The following CYP4F12 variants were observed in gnomAD, a reference collection of about 807,000 sequenced individuals.
CYP4F12 encodes the protein cytochrome P450 4F12.
In CYP4F12, 60 loss-of-function variants were observed where a neutral mutation model predicts 56.5. The ratio of observed to expected loss-of-function variants is 1.06; its 90% CI spans 0.86 to 1.32. The LOEUF is 1.32. Ranked by LOEUF, CYP4F12 falls within the 40% of genes most tolerant of loss-of-function variation. The pLI is 0.00. For missense variants in CYP4F12, 711 were observed against 683.5 expected (o/e 1.04, Z -0.45); for synonymous variants, 263 against 264.9 (o/e 0.99, Z 0.07).
In CYP4F12 at chr19:15,696,457, G is replaced by T. The variant is rs757624376; in HGVS notation, c.1342G>T (p.Glu448Ter). 2 of 1,614,146 alleles carry T rather than the reference G, an allele frequency of 1.2e-6. No individual in the cohort carries two copies. The highest frequency in any genetic ancestry group is 2.2e-5 in the South Asian group (2 of 91,078). ...EVYDPFRFDPENSKGRSPLAF... is the reference protein window; with the variant it reads ...EVYDPFRFDP ...CTACGACCCCTTCCGCTTTGACCCA[G>T]AGAACAGCAAGGGGAGGTCACCTCT... Residue 448 changes from glutamate to a stop codon, truncating the protein, a stop_gained, in exon 12 of 13, where the codon GAG becomes TAG. Transcript: ENST00000550308. LOFTEE classifies it high-confidence loss of function.
At chr19:15,684,751 A>C in intron 7 of CYP4F12, 65 bp from the exon 8 acceptor site, 1 of 1,247,986 alleles carries the variant, frequency 8.0e-7, no homozygotes, top group Non-Finnish European at 1.1e-6. Context: ...CAGAGATAGT[A>C]TAATTTGTGT....
At chr19:15,674,605 C>CTCTCCTCACTCACTCATTCA (rs2006818570) in intron 2 of CYP4F12, among the ~76,000 whole-genome samples, 26 of 5,626 alleles carry the variant, frequency 4.6e-3, no homozygotes, top group Non-Finnish European at 7.3e-3. Context: ...TCACTCATTC[C>CTCTCCTCACTCACTCATTCA]TCTACCCATT....
chr19:15,683,683 A>C lies in CYP4F12; in HGVS notation c.838A>C (p.Thr280Pro), dbSNP rs753604748. 3 of 1,612,360 alleles carry C rather than the reference A, an allele frequency of 1.9e-6. No individual in the cohort carries two copies. The African/African-American group carries it at 4.0e-5, about 22-fold the overall frequency. Residue 280 changes from threonine (T) to proline (P), a missense_variant, in exon 7 of 13, where the codon ACT (threonine) becomes CCT (proline). By Grantham distance (38) the Thr-to-Pro change is conservative (BLOSUM62 -1). Transcript: ENST00000550308. Reference protein sequence around the residue: ...VIRERRRTLPTQGIDDFFKDK... With the variant: ...VIRERRRTLPPQGIDDFFKDK... Reference sequence around the variant, plus strand: ...CCGGGAGCGGCGTCGCACCCTCCCCACTCAGGGTATTGATGATTTTTTCAA... The same window carrying C: ...CCGGGAGCGGCGTCGCACCCTCCCCCCTCAGGGTATTGATGATTTTTTCAA...
At chr19:15,685,301 T>C (rs760177585) in intron 9 of CYP4F12, 104 bp downstream of exon 9, 1 of 1,504,256 alleles carries the variant, frequency 6.6e-7, no homozygotes, top group Non-Finnish European at 9.0e-7. Flanking sequence ...CACTATTGCT[T>C]AGTGGGTATA....
intron 9 of CYP4F12, among the ~76,000 whole-genome samples, chr19:15,690,546 A>G (rs1445588172): frequency 6.6e-6 from 1 of 151,670 alleles, no homozygotes; most frequent in South Asian, 2.1e-4. Flanking sequence ...TAATTATTTC[A>G]GATCTCACAG....
chr19:15,679,153 A>G (rs1017531335), intron 3 of CYP4F12, among the ~76,000 whole-genome samples: 15 of 152,218 alleles, frequency 9.9e-5, no homozygotes, highest in Non-Finnish European at 1.8e-4. Flanking sequence ...CTGACCCCCA[A>G]ATCCTTAGTG....
intron 9 of CYP4F12, among the ~76,000 whole-genome samples, chr19:15,694,044 C>G (rs1205714550): frequency 6.6e-6 from 1 of 151,926 alleles, no homozygotes; most frequent in Non-Finnish European, 1.5e-5. Context: ...TTCCATTGAT[C>G]TAGATCTCTG....
Position 15,676,274 on chromosome 19 carries a change from G to A in CYP4F12, c.199-1987G>A, listed in dbSNP as rs115523116. Among the ~76,000 whole-genome samples the A allele has an allele frequency of 2.9e-3, 384 of 131,030 alleles. 5 individuals are homozygous for A. The highest frequency in any genetic ancestry group is 0.01 in the African/African-American group (373 of 36,136). The allele number at this position is 131,030 out of a possible 152,430, so 86.0% of individuals were successfully genotyped here. A position where few individuals can be genotyped will look rare whatever the true frequency, so the allele number is the denominator to read the frequency against. ...GGGAACCCAGAGAACCAAGGGAGAC[G>A]GCTCACTCATTCCTCTCCTCACTTA... On this transcript the variant is annotated intron_variant, in intron 2 of 12. Coordinates refer to ENST00000550308, the MANE Select transcript of CYP4F12 (RefSeq NM_023944.4).
Position 15,680,305 on chromosome 19 carries a change from C to A in CYP4F12, c.397+8C>A. ...TCCTGAAGCCCTGGCTGGGTGAGTA[C>A]CTGCAGGTGAAAGGGGTTGGGGACA... On this transcript the variant is annotated splice_region_variant and intron_variant, in intron 4 of 12. Coordinates refer to ENST00000550308, the MANE Select transcript of CYP4F12 (RefSeq NM_023944.4). The A allele has an allele frequency of 6.2e-7, 1 of 1,612,644 alleles. No homozygotes were observed.
At chr19:15,679,275 T>G (rs594803) in intron 3 of CYP4F12, among the ~76,000 whole-genome samples, 141,239 of 152,326 alleles carry the variant, frequency 0.93, 65,542 homozygotes, top group East Asian at 1. Flanking sequence ...GGAGTGTAAA[T>G]TTCAGGGAGG....
intron 9 of CYP4F12, among the ~76,000 whole-genome samples, chr19:15,692,410 ATCTTT>A (rs1341390410): frequency 6.6e-6 from 1 of 152,186 alleles, no homozygotes; most frequent in Admixed American, 6.6e-5. Context: ...TATGACTAGT[ATCTTT>A]TCTTTTATTA....
At chr19:15,685,008 A>G (rs1660003596) in intron 8 of CYP4F12, 60 bp from the exon 9 acceptor site, 4 of 1,591,910 alleles carry the variant, frequency 2.5e-6, no homozygotes, top group Admixed American at 3.4e-5. Flanking sequence ...TGAGGGCCTC[A>G]ATATCTGGGC....
chr19:15,684,941 G>T lies in CYP4F12; in HGVS notation c.985+59G>T, dbSNP rs189788114. ...AGAGGTCCCTCCATCTCAGGATCCG[G>T]GTGGGTGGACCCTGGATCACTCCAT... On this transcript the variant is annotated intron_variant, in intron 8 of 12. Transcript: ENST00000550308. 751 of 1,569,364 alleles carry T rather than the reference G, an allele frequency of 4.8e-4. 5 individuals are homozygous for T. In the African/African-American group the frequency reaches 9.3e-3, roughly 19 times the overall value.
rs371356525 is a variant in CYP4F12, at chr19:15,696,513, G to T, written c.1397+1G>T. 6.2e-7 allele frequency: 1 copy of T among 1,613,294 alleles called. No homozygotes were observed. The highest frequency in any genetic ancestry group is 8.5e-7 in the Non-Finnish European group (1 of 1,179,818). ...TTATTCCTTTCTCCGCAGGGCCCAG[G>T]TAAGAGCGCCCTGTGTCTGAGGCAG... On this transcript the variant is annotated splice_donor_variant, in intron 12 of 12. Coordinates refer to ENST00000550308, the MANE Select transcript of CYP4F12 (RefSeq NM_023944.4). LOFTEE classifies it high-confidence loss of function.
intron 9 of CYP4F12, among the ~76,000 whole-genome samples, chr19:15,694,962 G>C (rs2008050412): frequency 1.3e-5 from 2 of 152,096 alleles, no homozygotes; most frequent in Non-Finnish European, 2.9e-5. Flanking sequence ...CAGGGATCTA[G>C]AACTAGAAAT....
chr19:15,673,454 T>G, intron 1 of CYP4F12, 75 bp from the exon 2 acceptor site: 1 of 1,501,850 alleles, frequency 6.7e-7, no homozygotes, highest in South Asian at 1.2e-5. Context: ...AGTTCCTGAC[T>G]TCGCCCCTAT....
At chr19:15,696,869 G>A (rs747863858) in intron 12 of CYP4F12, 39 bp from the exon 13 acceptor site, 1 of 1,578,660 alleles carries the variant, frequency 6.3e-7, no homozygotes, top group Non-Finnish European at 8.6e-7. Flanking sequence ...CCCAAATGCG[G>A]GTCTTGGGCA....
chr19:15,675,245 G>GA (rs1440225031), intron 2 of CYP4F12, among the ~76,000 whole-genome samples: 2 of 71,824 alleles, frequency 2.8e-5, no homozygotes, highest in African/African-American at 1.0e-4. Context: ...CCCTTTGGGG[G>GA]ATGTGGCCTC....
chr19:15,673,165 G>A (rs995554808), intron 1 of CYP4F12, 30 bp downstream of exon 1: 9 of 470,958 alleles, frequency 1.9e-5, no homozygotes, highest in African/African-American at 1.2e-4. Flanking sequence ...AGGGCTGGAA[G>A]GTCCTGGCCT....
Sources: gnomAD v4.1 joint callset for allele counts (sites outside exome capture counted in the v4.1 genomes callset) on GRCh38, gnomAD v4.1.1 for gene constraint, MANE v1.5 for transcripts, NCBI Gene and HGNC (gene_info 2026-07-23, HGNC 2026-07-21) for gene names.